The following RCAN2 variants were observed in gnomAD, a reference collection of about 807,000 sequenced individuals.
RCAN2 encodes regulator of calcineurin 2, also known as calcipressin-2.
A neutral mutation model predicts 23.6 loss-of-function variants in RCAN2; 9 were observed. That is an observed-to-expected ratio of 0.38 (90% CI 0.23 to 0.67). The LOEUF is 0.67. Among genes scored for constraint, RCAN2 ranks in the 30% least tolerant of loss-of-function variants. The probability of loss-of-function intolerance (pLI) is 0.51; values close to 1 mark genes in which losing one functional copy is unlikely to be tolerated. For synonymous variants in RCAN2, 109 were observed against 115.7 expected, an observed-to-expected ratio of 0.94 and a Z score of 0.37; for missense variants, 273 against 302.3, an observed-to-expected ratio of 0.90 and a Z score of 0.72.
chr6:46,391,935 T>G (rs1765949160), intron 2 of RCAN2, among the ~76,000 whole-genome samples: 1 of 152,156 alleles, frequency 6.6e-6, no homozygotes, highest in Non-Finnish European at 1.5e-5. Flanking sequence ...AATCAAGGTT[T>G]ACAAAGCTGT....
At chr6:46,296,625 G>A (rs1197436540) in intron 2 of RCAN2, among the ~76,000 whole-genome samples, 1 of 151,976 alleles carries the variant, frequency 6.6e-6, no homozygotes, top group African/African-American at 2.4e-5. Flanking sequence ...TAAATCATTA[G>A]GTAGGGAGGA....
intron 2 of RCAN2, among the ~76,000 whole-genome samples, chr6:46,334,404 G>T (rs1364082201): frequency 6.6e-6 from 1 of 152,164 alleles, no homozygotes; most frequent in East Asian, 1.9e-4. Context: ...ATGAATGAAT[G>T]AATGGAATTC....
intron 2 of RCAN2, among the ~76,000 whole-genome samples, chr6:46,391,490 G>A (rs1206812814): frequency 6.6e-6 from 1 of 152,098 alleles, no homozygotes; most frequent in Non-Finnish European, 1.5e-5. Context: ...ACATAGATAG[G>A]GCAAGAGCCT....
At position 46,263,555 on chromosome 6, in the gene RCAN2, GTGTGTA is replaced by G. The variant is rs1216816634; in HGVS notation, c.226-14665_226-14660del. ...TGTGTGTGTATGTGTGTGTGTGTGT[GTGTGTA>G]TGTGTGTGTGTGTTAGTATAGGGGG... On this transcript the variant is annotated intron_variant, in intron 2 of 4. Coordinates refer to ENST00000371374, the MANE Select transcript of RCAN2 (RefSeq NM_001251974.2). Among the ~76,000 whole-genome samples, 1,366 of 138,768 alleles carry G rather than the reference GTGTGTA, an allele frequency of 9.8e-3. 37 individuals carry two copies. Among genetic ancestry groups the G allele is most frequent in the African/African-American group, 0.033 (1,161 of 35,320 alleles). The allele number at this position is 138,768 out of a possible 152,430, so 91.0% of individuals were successfully genotyped here.
intron 2 of RCAN2, among the ~76,000 whole-genome samples, chr6:46,421,203 C>T (rs900869984): frequency 6.6e-6 from 1 of 152,084 alleles, no homozygotes; most frequent in Non-Finnish European, 1.5e-5. Context: ...GAGCAATGGG[C>T]AATGATGTAC....
At chr6:46,290,344 A>G (rs1762517965) in intron 2 of RCAN2, among the ~76,000 whole-genome samples, 1 of 152,212 alleles carries the variant, frequency 6.6e-6, no homozygotes, top group African/African-American at 2.4e-5. Context: ...TTGTGTATTA[A>G]ACAATAAACA....
intron 2 of RCAN2, among the ~76,000 whole-genome samples, chr6:46,427,624 T>C (rs1341708514): frequency 6.6e-6 from 1 of 152,212 alleles, no homozygotes; most frequent in Non-Finnish European, 1.5e-5. Flanking sequence ...ATTAATACAC[T>C]AATGAACATT....
intron 1 of RCAN2, among the ~76,000 whole-genome samples, chr6:46,489,455 G>A (rs1048849329): frequency 2.0e-5 from 3 of 152,220 alleles, no homozygotes; most frequent in Non-Finnish European, 4.4e-5. Context: ...TCGAGTGGAT[G>A]CTACAGAACG....
intron 4 of RCAN2, among the ~76,000 whole-genome samples, chr6:46,223,918 T>C (rs923071574): frequency 6.6e-6 from 1 of 152,222 alleles, no homozygotes; most frequent in African/African-American, 2.4e-5. Flanking sequence ...ACTGGCTTTC[T>C]GTCTTTCTGT....
intron 2 of RCAN2, among the ~76,000 whole-genome samples, chr6:46,431,678 C>A (rs1011567795): frequency 1.3e-5 from 2 of 152,150 alleles, no homozygotes; most frequent in Non-Finnish European, 1.5e-5. Context: ...AATAAAACAA[C>A]AAAACATTTA....
At chr6:46,363,705 G>A (rs949001091) in intron 2 of RCAN2, among the ~76,000 whole-genome samples, 3 of 152,052 alleles carry the variant, frequency 2.0e-5, no homozygotes, top group South Asian at 2.1e-4. Flanking sequence ...GTTTCTTATC[G>A]TTGGGGATTA....
chr6:46,467,171 C>T (rs1768409583), intron 1 of RCAN2, among the ~76,000 whole-genome samples: 3 of 152,174 alleles, frequency 2.0e-5, no homozygotes, highest in South Asian at 4.1e-4. Context: ...TGTGTCTTAC[C>T]TGCCTGCATA....
At chr6:46,307,919 C>A (rs762687312) in intron 2 of RCAN2, among the ~76,000 whole-genome samples, 1 of 152,104 alleles carries the variant, frequency 6.6e-6, no homozygotes, top group Non-Finnish European at 1.5e-5. Flanking sequence ...AGGAAAGAAG[C>A]CTTTATGTGT....
chr6:46,341,975 G>T (rs1299652377), intron 2 of RCAN2, among the ~76,000 whole-genome samples: 1 of 152,108 alleles, frequency 6.6e-6, no homozygotes, highest in Non-Finnish European at 1.5e-5. Flanking sequence ...ATGGCAGGTT[G>T]ATTATACATA....
At chr6:46,482,316 T>C (rs1301753035) in intron 1 of RCAN2, among the ~76,000 whole-genome samples, 1 of 152,160 alleles carries the variant, frequency 6.6e-6, no homozygotes, top group East Asian at 1.9e-4. Flanking sequence ...GTCCCCTTTT[T>C]TGGAAAAGGA....
At chr6:46,291,599 A>C (rs2150345354) in intron 2 of RCAN2, among the ~76,000 whole-genome samples, 1 of 152,068 alleles carries the variant, frequency 6.6e-6, no homozygotes, top group South Asian at 2.1e-4. Context: ...TCTTCCTAAC[A>C]ACAACAACAA....
chr6:46,345,234 G>A (rs6914417), intron 2 of RCAN2, among the ~76,000 whole-genome samples: 3,991 of 151,920 alleles, frequency 0.026, 164 homozygotes, highest in African/African-American at 0.087. Context: ...ACTTAATAAC[G>A]AGTATTCAAA....
intron 2 of RCAN2, among the ~76,000 whole-genome samples, chr6:46,392,115 G>A (rs1001372945): frequency 2.0e-5 from 3 of 152,132 alleles, no homozygotes; most frequent in Non-Finnish European, 4.4e-5. Context: ...CCTTTAGTAG[G>A]AGTTTAAAAA....
At chr6:46,402,940 A>T (rs956939695) in intron 2 of RCAN2, among the ~76,000 whole-genome samples, 17 of 151,302 alleles carry the variant, frequency 1.1e-4, no homozygotes, top group Non-Finnish European at 2.5e-4. Flanking sequence ...TACAACACAC[A>T]TACTAGGTTG....
Sources: gnomAD v4.1 joint callset for allele counts (sites outside exome capture counted in the v4.1 genomes callset) on GRCh38, gnomAD v4.1.1 for gene constraint, MANE v1.5 for transcripts, NCBI Gene and HGNC (gene_info 2026-07-23, HGNC 2026-07-21) for gene names.